The following ASB14 variants were observed in gnomAD, a reference collection of about 807,000 sequenced individuals.
The protein encoded by ASB14 is ankyrin repeat and SOCS box containing 14.
Under a neutral mutation model 55.6 loss-of-function variants are expected in ASB14, and 63 were observed. The observed-to-expected ratio is 1.13, with a 90% CI of 0.92 to 1.40. The LOEUF is 1.40. Ranked by LOEUF, ASB14 falls within the 40% of genes most tolerant of loss-of-function variation. ASB14 has a pLI of 0.00. For missense variants in ASB14, 724 were observed against 710.4 expected (o/e 1.02, Z -0.22); for synonymous variants, 256 against 259.9 (o/e 0.98, Z 0.15).
In ASB14 at chr3:57,280,476, A is replaced by G; in HGVS notation, c.716-3T>C. The G allele has an allele frequency of 6.5e-7, 1 of 1,546,826 alleles. No homozygotes were observed. The highest frequency in any genetic ancestry group is 8.7e-7 in the Non-Finnish European group (1 of 1,143,492). On this transcript the variant is annotated splice_polypyrimidine_tract_variant and splice_region_variant and intron_variant, in intron 6 of 10. Coordinates refer to ENST00000487349, the MANE Select transcript of ASB14 (RefSeq NM_001142733.3). ...GGCCTGACCATGAGCATTAGCTCCT[A>G]AGAGGAGAAAGACTCTTGTTAATGC...
At chr3:57,274,833 T>G (rs1330880831) in intron 10 of ASB14, among the ~76,000 whole-genome samples, 7 of 152,228 alleles carry the variant, frequency 4.6e-5, no homozygotes, top group Non-Finnish European at 1.0e-4. Flanking sequence ...AAAACACTTG[T>G]AATTCCAATT....
chr3:57,280,274 T>G (rs1559521845), intron 7 of ASB14, 28 bp downstream of exon 7: 1 of 1,443,722 alleles, frequency 6.9e-7, no homozygotes, highest in Non-Finnish European at 9.3e-7. Context: ...CTGTTTTTAT[T>G]ATTTATAATA....
intron 10 of ASB14, chr3:57,270,297 T>C (rs2060927585): frequency 6.5e-6 from 1 of 152,696 alleles, no homozygotes; most frequent in Non-Finnish European, 1.5e-5. Context: ...TTCTCTAATG[T>C]ACTGCACTTG....
chr3:57,280,788 A>G (rs1455746414), intron 6 of ASB14, among the ~76,000 whole-genome samples: 2 of 152,114 alleles, frequency 1.3e-5, no homozygotes, highest in Non-Finnish European at 2.9e-5. Context: ...AGACCAGCCT[A>G]TAAAAGCCCA....
rs781457683 is a variant in ASB14, at chr3:57,291,895, G to T, written c.122+17C>A. The T allele has an allele frequency of 6.6e-7, 1 of 1,520,826 alleles. No individual in the cohort carries two copies. The highest frequency in any genetic ancestry group is 1.2e-5 in the South Asian group (1 of 83,350). The allele number at this position is 1,520,826 out of a possible 1,614,324, so 94.2% of individuals were successfully genotyped here. A position where few individuals can be genotyped will look rare whatever the true frequency, so the allele number is the denominator to read the frequency against. On this transcript the variant is annotated intron_variant, in intron 2 of 10. Transcript: ENST00000487349. ...ATACAACACTTAATACTATATTGCC[G>T]ATGAGAAAACCATTACCTCTCATCC... is the stretch of plus-strand genomic sequence containing the variant.
Position 57,283,054 on chromosome 3 carries a change from A to C in ASB14, c.715+140T>G, listed in dbSNP as rs956933729. 9.9e-6 allele frequency: 12 copies of C among 1,211,960 alleles called. No homozygotes were observed. In the Admixed American group the frequency reaches 1.4e-4, roughly 14 times the overall value. The allele number at this position is 1,211,960 out of a possible 1,614,324, so 75.1% of individuals were successfully genotyped here. A position where few individuals can be genotyped will look rare whatever the true frequency, so the allele number is the denominator to read the frequency against. ...CTTTATGTTAGGCTTCTCAGTAATC[A>C]CTATTAACCCATAATTTTTATCAAA... On this transcript the variant is annotated intron_variant, in intron 6 of 10. Coordinates refer to ENST00000487349, the MANE Select transcript of ASB14 (RefSeq NM_001142733.3).
chr3:57,292,139 G>A, intron 1 of ASB14, 35 bp from the exon 2 acceptor site: 1 of 1,195,924 alleles, frequency 8.4e-7, no homozygotes, highest in African/African-American at 1.6e-5. Flanking sequence ...CAGAAATCTA[G>A]AAAATTGGTA....
chr3:57,289,969 C>T (rs1220865639), intron 2 of ASB14, among the ~76,000 whole-genome samples: 2 of 152,076 alleles, frequency 1.3e-5, no homozygotes, highest in African/African-American at 4.8e-5. Context: ...AATTATTTAA[C>T]GAACCCAGGT....
Position 57,280,476 on chromosome 3 carries a change from A to C in ASB14, c.716-3T>G. 1 of 1,546,826 alleles carries C rather than the reference A, an allele frequency of 6.5e-7. No homozygotes were observed. The highest frequency in any genetic ancestry group is 2.0e-5 in the Admixed American group (1 of 50,700). ...GGCCTGACCATGAGCATTAGCTCCT[A>C]AGAGGAGAAAGACTCTTGTTAATGC... On this transcript the variant is annotated splice_polypyrimidine_tract_variant and splice_region_variant and intron_variant, in intron 6 of 10. Transcript: ENST00000487349.
chr3:57,272,232 G>C (rs1036314562), intron 10 of ASB14: 1 of 152,246 alleles, frequency 6.6e-6, no homozygotes, highest in Non-Finnish European at 1.5e-5. Flanking sequence ...GAAGTCAGTA[G>C]ATAGGAAACC....
At chr3:57,288,876 G>A (rs544898080) in intron 3 of ASB14, 192 bp downstream of exon 3, 49 of 420,954 alleles carry the variant, frequency 1.2e-4, no homozygotes, top group African/African-American at 7.0e-4. Context: ...CACCATGCCC[G>A]GCTAATTTTT....
chr3:57,278,414 A>G lies in ASB14; in HGVS notation c.1394T>C (p.Val465Ala), dbSNP rs1417618348. Residue 465 changes from valine (V) to alanine (A), a missense_variant, in exon 8 of 11, where the codon GTT becomes GCT. By Grantham distance (64) the Val-to-Ala change is moderately conservative. Coordinates refer to ENST00000487349, the MANE Select transcript of ASB14 (RefSeq NM_001142733.3). The part of the protein sequence containing the change: ...HGDKVHPSYT[V>A]EGWTSTVIKD... ...GATAACTGTAGATGTCCAGCCTTCAACAGTATAGGAAGGATGGACTTTGTC... is the reference window on the plus strand; with the variant it reads ...GATAACTGTAGATGTCCAGCCTTCAGCAGTATAGGAAGGATGGACTTTGTC... The G allele has an allele frequency of 1.2e-6, 2 of 1,614,006 alleles. No homozygotes were observed. The highest frequency in any genetic ancestry group is 1.7e-5 in the Admixed American group (1 of 60,006).
intron 6 of ASB14, 92 bp from the exon 7 acceptor site, chr3:57,280,565 A>AGTT: frequency 8.6e-7 from 1 of 1,163,376 alleles, no homozygotes; most frequent in Non-Finnish European, 1.2e-6. Context: ...ACCAAAAAGC[A>AGTT]ATTAGTGAGC....
chr3:57,280,212 A>T, intron 7 of ASB14, 90 bp downstream of exon 7: 4 of 627,742 alleles, frequency 6.4e-6, no homozygotes, highest in Non-Finnish European at 9.8e-6. Context: ...GGGATCAGTG[A>T]TTAAAGATTA....
At chr3:57,270,625 CAG>C (rs1174328093) in intron 10 of ASB14, 1 of 152,440 alleles carries the variant, frequency 6.6e-6, no homozygotes, top group African/African-American at 2.4e-5. Context: ...TAAAAATTCC[CAG>C]AGTTTAGTTT....
rs1205627532 is a variant in ASB14, at chr3:57,280,304, T to G, written c.885A>C (p.Leu295Phe). 5 of 1,544,646 alleles carry G rather than the reference T, an allele frequency of 3.2e-6. No individual in the cohort carries two copies. The highest frequency in any genetic ancestry group is 4.4e-6 in the Non-Finnish European group (5 of 1,142,316). Residue 295 changes from leucine to phenylalanine, a missense_variant and splice_region_variant, in exon 7 of 11, where the codon TTA becomes TTC. Physicochemically the swap from Leu to Phe is conservative, Grantham distance 22 (BLOSUM62 0). Transcript: ENST00000487349. Reference protein sequence around the residue: ...PIHVAADRGHLLALKILIPVT... With the variant: ...PIHVAADRGHFLALKILIPVT... ...ATAATAATGTAATTGAACTTAACAG[T>G]AAGTGGCCCCTGTCAGCTGCCACAT...
chr3:57,285,389 C>CT (rs970559556), intron 5 of ASB14, among the ~76,000 whole-genome samples: 1 of 152,100 alleles, frequency 6.6e-6, no homozygotes, highest in African/African-American at 2.4e-5. Context: ...GCCCGTGTCT[C>CT]TAAGTAACCT....
At chr3:57,288,483 C>G (rs1159398767) in intron 3 of ASB14, among the ~76,000 whole-genome samples, 197 bp from the exon 4 acceptor site, 1 of 152,166 alleles carries the variant, frequency 6.6e-6, no homozygotes, top group African/African-American at 2.4e-5. Flanking sequence ...TGTGAACACC[C>G]CCAGCGTCTT....
At chr3:57,277,617 G>T in intron 9 of ASB14, 150 bp downstream of exon 9, 1 of 668,240 alleles carries the variant, frequency 1.5e-6, no homozygotes, top group Non-Finnish European at 2.4e-6. Flanking sequence ...ATTAAGTGTA[G>T]TTAGTAACAT....
Sources: allele counts gnomAD v4.1 joint callset (sites outside exome capture counted in the v4.1 genomes callset), GRCh38; gene constraint gnomAD v4.1.1; transcripts MANE v1.5; gene names NCBI Gene and HGNC (gene_info 2026-07-23, HGNC 2026-07-21).